The following ATP6V1E1 variants were observed in gnomAD, a reference collection of about 807,000 sequenced individuals.
ATP6V1E1 encodes V-type proton ATPase subunit E 1.
Under a neutral mutation model 35.2 loss-of-function variants are expected in ATP6V1E1, and 21 were observed. The ratio of observed to expected loss-of-function variants is 0.60; its 90% CI spans 0.42 to 0.86. ATP6V1E1 has a LOEUF of 0.86. Ranked by LOEUF, ATP6V1E1 falls within the 40% of genes least tolerant of loss-of-function variation. The pLI is 0.00. For synonymous variants in ATP6V1E1, 83 were observed against 87.8 expected (o/e 0.95, Z 0.30); for missense variants, 183 against 272.6 (o/e 0.67, Z 2.32).
At chr22:17,606,967 C>T (rs1018269030) in intron 4 of ATP6V1E1, among the ~76,000 whole-genome samples, 2 of 152,110 alleles carry the variant, frequency 1.3e-5, no homozygotes, top group African/African-American at 4.8e-5. Flanking sequence ...AAATCTGATG[C>T]TTCTCAGTTT....
intron 1 of ATP6V1E1, among the ~76,000 whole-genome samples, chr22:17,621,437 A>C (rs764575529): frequency 6.6e-6 from 1 of 152,118 alleles, no homozygotes; most frequent in South Asian, 2.1e-4. Context: ...CTGGGACCAT[A>C]GGTGCGTGTC....
chr22:17,606,458 G>A (rs938605647), intron 4 of ATP6V1E1, among the ~76,000 whole-genome samples: 1 of 150,854 alleles, frequency 6.6e-6, no homozygotes, highest in Non-Finnish European at 1.5e-5. Context: ...GTTCAATGAC[G>A]GCAAGAAGTT....
intron 1 of ATP6V1E1, among the ~76,000 whole-genome samples, chr22:17,626,702 G>A (rs1366501620): frequency 6.6e-6 from 1 of 151,976 alleles, no homozygotes; most frequent in Non-Finnish European, 1.5e-5. Context: ...CACTAATTTT[G>A]TATTTTTAGT....
At chr22:17,593,377 C>T (rs1464817653) in intron 8 of ATP6V1E1, among the ~76,000 whole-genome samples, 1 of 152,172 alleles carries the variant, frequency 6.6e-6, no homozygotes, top group Non-Finnish European at 1.5e-5. Flanking sequence ...CTTTCTTCAA[C>T]AAACATTTAC....
At chr22:17,626,149 T>C (rs573640161) in intron 1 of ATP6V1E1, among the ~76,000 whole-genome samples, 5 of 150,700 alleles carry the variant, frequency 3.3e-5, no homozygotes, top group Admixed American at 6.6e-5. Context: ...TAATAAAAAA[T>C]AGAAAAAATT....
chr22:17,613,486 T>G (rs891829942), intron 2 of ATP6V1E1, among the ~76,000 whole-genome samples, 166 bp from the exon 3 acceptor site: 3 of 152,202 alleles, frequency 2.0e-5, no homozygotes, highest in African/African-American at 7.2e-5. Context: ...AAAGGAAAGA[T>G]CAGCAATTTT....
At chr22:17,619,643 T>C (rs978842277) in intron 1 of ATP6V1E1, 117 bp from the exon 2 acceptor site, 6 of 846,130 alleles carry the variant, frequency 7.1e-6, no homozygotes, top group Non-Finnish European at 1.1e-5. Flanking sequence ...CCTACCACTC[T>C]GGGGGGCCAA....
At chr22:17,611,220 AC>A (rs1409771318) in intron 4 of ATP6V1E1, among the ~76,000 whole-genome samples, 3 of 152,228 alleles carry the variant, frequency 2.0e-5, no homozygotes, top group African/African-American at 7.2e-5. Flanking sequence ...CTGATTATTG[AC>A]ACTTTAGTGA....
At chr22:17,627,994 TTC>T (rs561000866) in intron 1 of ATP6V1E1, among the ~76,000 whole-genome samples, 16,761 of 146,376 alleles carry the variant, frequency 0.11, 1,045 homozygotes, top group Middle Eastern at 0.2. Flanking sequence ...TTTTTTTTTT[TTC>T]TTTTTCCAGA....
chr22:17,627,953 TAAAA>T lies in ATP6V1E1; in HGVS notation c.33+646_33+649del, dbSNP rs747287561. 2.1e-5 allele frequency among the ~76,000 whole-genome samples: 3 copies of T among 141,378 alleles called. No individual in the cohort carries two copies. The East Asian group carries it at 6.1e-4, about 29-fold the overall frequency. The allele number at this position is 141,378 out of a possible 152,430, so 92.7% of individuals were successfully genotyped here. A position where few individuals can be genotyped will look rare whatever the true frequency, so the allele number is the denominator to read the frequency against. Reference sequence around the variant, plus strand: ...TAGCCTTAAGCATTTCCCTCAGGGTTAAAAAAAAAAAAAGTGACAAGGCTGGTTT... The same window carrying T: ...TAGCCTTAAGCATTTCCCTCAGGGTTAAAAAAAAAGTGACAAGGCTGGTTT... On this transcript the variant is annotated intron_variant, in intron 1 of 8. Coordinates refer to ENST00000253413, the MANE Select transcript of ATP6V1E1 (RefSeq NM_001696.4).
At chr22:17,614,724 T>C (rs2057833835) in intron 2 of ATP6V1E1, among the ~76,000 whole-genome samples, 1 of 149,660 alleles carries the variant, frequency 6.7e-6, no homozygotes, top group Non-Finnish European at 1.5e-5. Flanking sequence ...ATCCCAGCAC[T>C]TTGGGAGGCA....
At chr22:17,592,766 A>C in intron 8 of ATP6V1E1, 30 bp from the exon 9 acceptor site, 1 of 1,559,888 alleles carries the variant, frequency 6.4e-7, no homozygotes, top group Non-Finnish European at 8.8e-7. Context: ...TAAATACGCA[A>C]TGTCAGCTGA....
In ATP6V1E1 at chr22:17,614,111, G is replaced by C. The variant is rs1241120849; in HGVS notation, c.100-791C>G. 2.6e-5 allele frequency among the ~76,000 whole-genome samples: 4 copies of C among 152,188 alleles called. No individual in the cohort carries two copies. In the East Asian group the frequency reaches 7.7e-4, roughly 29 times the overall value. On this transcript the variant is annotated intron_variant, in intron 2 of 8. Coordinates refer to ENST00000253413, the MANE Select transcript of ATP6V1E1 (RefSeq NM_001696.4). ...CACGCCTGTAATCCCAGCACTTTGG[G>C]AGGCCAAGGCAGACAGATCACCTAA...
chr22:17,609,362 A>G (rs986830443), intron 4 of ATP6V1E1, among the ~76,000 whole-genome samples: 1 of 147,178 alleles, frequency 6.8e-6, no homozygotes, highest in Non-Finnish European at 1.5e-5. Flanking sequence ...AGGGCACCAC[A>G]TTGGCCGGGC....
intron 4 of ATP6V1E1, among the ~76,000 whole-genome samples, chr22:17,603,860 C>T (rs1220226150): frequency 6.6e-6 from 1 of 152,198 alleles, no homozygotes; most frequent in Admixed American, 6.5e-5. Context: ...CATTTTTCCT[C>T]TCTGTGCTGG....
At chr22:17,613,362 T>C (rs2057824908) in intron 2 of ATP6V1E1, 42 bp from the exon 3 acceptor site, 1 of 1,554,202 alleles carries the variant, frequency 6.4e-7, no homozygotes, top group South Asian at 1.1e-5. Flanking sequence ...ACATCAAGTT[T>C]TGATTAACAG....
rs2057844976 is a variant in ATP6V1E1 at position 17,616,424 on chromosome 22, A to G, written c.99+3037T>C. Reference sequence around the variant, plus strand: ...CCAGGCGTGGTGGCTCACGCCAGTAATCCTAGCACTTTGGGAGGCCAAGGC... The same window carrying G: ...CCAGGCGTGGTGGCTCACGCCAGTAGTCCTAGCACTTTGGGAGGCCAAGGC... On this transcript the variant is annotated intron_variant, in intron 2 of 8. Coordinates refer to ENST00000253413, the MANE Select transcript of ATP6V1E1 (RefSeq NM_001696.4). Among the ~76,000 whole-genome samples, 3 of 152,204 alleles carry G rather than the reference A, an allele frequency of 2.0e-5. No individual in the cohort carries two copies. In the South Asian group the frequency reaches 6.2e-4, roughly 32 times the overall value.
chr22:17,603,478 T>C (rs2057771483), intron 4 of ATP6V1E1, among the ~76,000 whole-genome samples: 1 of 152,062 alleles, frequency 6.6e-6, no homozygotes, highest in South Asian at 2.1e-4. Context: ...ATCATACCAC[T>C]GCACTCCAAC....
chr22:17,622,974 A>C (rs541584886), intron 1 of ATP6V1E1, among the ~76,000 whole-genome samples: 1 of 152,326 alleles, frequency 6.6e-6, no homozygotes, highest in South Asian at 2.1e-4. Flanking sequence ...CTCAAAAAAA[A>C]CAAAACAAAA....
Sources: allele counts gnomAD v4.1 joint callset (sites outside exome capture counted in the v4.1 genomes callset), GRCh38; gene constraint gnomAD v4.1.1; transcripts MANE v1.5; gene names NCBI Gene and HGNC (gene_info 2026-07-23, HGNC 2026-07-21).